The following EVC variants were observed in gnomAD, a reference collection of about 807,000 sequenced individuals.
EVC encodes evC complex member EVC.
A neutral mutation model predicts 118.9 loss-of-function variants in EVC; 116 were observed. That is an observed-to-expected ratio of 0.98 (90% CI 0.84 to 1.14). The LOEUF is 1.14. Among genes scored for constraint, EVC ranks in the 50% most tolerant of loss-of-function variants. The pLI, the probability that EVC is intolerant of heterozygous loss-of-function variation, is 0.00. For synonymous variants in EVC, 619 were observed against 534.7 expected (o/e 1.16, Z -2.18); for missense variants, 1,401 against 1,246.4 (o/e 1.12, Z -1.87).
chr4:5,720,285 A>T (rs1472830883), intron 2 of EVC, among the ~76,000 whole-genome samples: 1 of 152,060 alleles, frequency 6.6e-6, no homozygotes, highest in Non-Finnish European at 1.5e-5. Context: ...CACGTGAATG[A>T]TCTCGTGCCC....
chr4:5,790,452 C>T (rs1371005871), intron 12 of EVC, among the ~76,000 whole-genome samples: 2 of 152,152 alleles, frequency 1.3e-5, no homozygotes, highest in South Asian at 2.1e-4. Flanking sequence ...GCGCCATCTC[C>T]AGGATGCCAG....
chr4:5,821,700 G>A, the EVC span: 1 of 1,487,522 alleles, frequency 6.7e-7, no homozygotes, highest in South Asian at 1.2e-5. The surrounding 1 kb of genome is among the most constrained non-coding windows in gnomAD (Gnocchi z 4.4). Context: ...AACACTGACA[G>A]GAAAAGGGAT....
At chr4:5,716,740 A>G (rs2151821690) in intron 1 of EVC, among the ~76,000 whole-genome samples, 1 of 152,322 alleles carries the variant, frequency 6.6e-6, no homozygotes. Flanking sequence ...ATTTCCCTTG[A>G]AGAAAGTCAG....
chr4:5,794,307 T>A (rs28665524), intron 13 of EVC, among the ~76,000 whole-genome samples: 65 of 119,202 alleles, frequency 5.5e-4, no homozygotes, highest in Admixed American at 1.8e-3. Flanking sequence ...ATTTATATTT[T>A]TATATATTTA....
chr4:5,768,229 G>T (rs1181803897), intron 11 of EVC, among the ~76,000 whole-genome samples: 2 of 152,136 alleles, frequency 1.3e-5, no homozygotes, highest in Non-Finnish European at 2.9e-5. Flanking sequence ...TTACTTCTGA[G>T]TGAGACAGGA....
intron 15 of EVC, among the ~76,000 whole-genome samples, chr4:5,800,519 C>G (rs1714777714): frequency 6.6e-6 from 1 of 151,966 alleles, no homozygotes; most frequent in African/African-American, 2.4e-5. Context: ...AAGGGGTGGC[C>G]AAGGATGGAG....
chr4:5,795,691 A>G (rs989412258), intron 13 of EVC, among the ~76,000 whole-genome samples: 7 of 152,220 alleles, frequency 4.6e-5, no homozygotes, highest in African/African-American at 1.7e-4. Flanking sequence ...TGGAAACATA[A>G]GTAGGCTCGG....
chr4:5,774,710 A>C (rs1482544153), intron 11 of EVC, among the ~76,000 whole-genome samples: 2 of 152,038 alleles, frequency 1.3e-5, no homozygotes, highest in Non-Finnish European at 2.9e-5. Flanking sequence ...CTTCTGTTTG[A>C]GGGGGAGGGG....
At chr4:5,765,601 T>C (rs1194993134) in intron 11 of EVC, among the ~76,000 whole-genome samples, 2 of 130,580 alleles carry the variant, frequency 1.5e-5, no homozygotes, top group African/African-American at 6.0e-5. Context: ...ATTGGGCGCA[T>C]ATATATTTAG....
At chr4:5,720,820 G>A (rs1481662135) in intron 2 of EVC, among the ~76,000 whole-genome samples, 5 of 152,194 alleles carry the variant, frequency 3.3e-5, no homozygotes, top group African/African-American at 1.2e-4. Context: ...CTTGATAATG[G>A]GCATCTGCTA....
In EVC at chr4:5,783,591, G is replaced by A. The variant is rs753720935; in HGVS notation, c.1603G>A (p.Val535Met). Reference protein sequence around the residue: ...FSTVDTFQKFVDALFLQTLPG... With the variant: ...FSTVDTFQKFMDALFLQTLPG... ...CACCGTGGACACTTTCCAGAAGTTCGTGGATGCCCTGTTCCTTCAGACGCT... is the reference window on the plus strand; with the variant it reads ...CACCGTGGACACTTTCCAGAAGTTCATGGATGCCCTGTTCCTTCAGACGCT... The change falls in exon 12 of 21, where the codon GTG becomes ATG. Residue 535 changes from valine to methionine, a missense_variant. Coordinates refer to ENST00000264956, the MANE Select transcript of EVC (RefSeq NM_153717.3). 39 of 1,614,042 alleles carry A rather than the reference G, an allele frequency of 2.4e-5. No individual in the cohort carries two copies. Among genetic ancestry groups the A allele is most frequent in the East Asian group, 1.8e-4 (8 of 44,890 alleles).
downstream of EVC, among the ~76,000 whole-genome samples, chr4:5,818,002 C>CTG (rs1461565955): frequency 6.6e-6 from 1 of 152,172 alleles, no homozygotes; most frequent in Non-Finnish European, 1.5e-5. Context: ...TGTGGTTTGG[C>CTG]TGTGTCCCCA....
chr4:5,714,970 A>G (rs996316091), intron 1 of EVC, among the ~76,000 whole-genome samples: 6 of 20,110 alleles, frequency 3.0e-4, no homozygotes, highest in African/African-American at 2.0e-3. Context: ...ATGCCTGGCT[A>G]ATTTTTTTTT....
the EVC span, chr4:5,828,250 C>T: frequency 9.1e-6 from 9 of 985,418 alleles, no homozygotes; most frequent in East Asian, 1.1e-4. Flanking sequence ...CCCACCCTCA[C>T]GGGTGCACAC....
the EVC span, among the ~76,000 whole-genome samples, chr4:5,822,491 GA>G: frequency 7.9e-6 from 1 of 126,926 alleles, no homozygotes; most frequent in African/African-American, 4.1e-5. Context: ...AGGTGGATCT[GA>G]AGGGGGGGGG....
In EVC at chr4:5,750,917, G is replaced by A. The variant is rs537812757; in HGVS notation, c.1099-1919G>A. Reference sequence around the variant, plus strand: ...CGTATCTCAGAACACAGAAGAGTTGGAATTCCCAGGGCGGCATCCCATCTT... The same window carrying A: ...CGTATCTCAGAACACAGAAGAGTTGAAATTCCCAGGGCGGCATCCCATCTT... On this transcript the variant is annotated intron_variant, in intron 8 of 20. Transcript: ENST00000264956. Among the ~76,000 whole-genome samples the A allele has an allele frequency of 5.3e-5, 8 of 152,270 alleles. No homozygotes were observed. The South Asian group carries it at 1.2e-3, about 24-fold the overall frequency.
At position 5,756,394 on chromosome 4, in the gene EVC, G is replaced by A. The variant is rs2152095284; in HGVS notation, c.1563+32G>A. 1 of 1,559,288 alleles carries A rather than the reference G, an allele frequency of 6.4e-7. No individual in the cohort carries two copies. Among genetic ancestry groups the A allele is most frequent in the Non-Finnish European group, 8.8e-7 (1 of 1,141,036 alleles). ...GGCCTCTGTGGGGACCAGCAGAGAAGCCCCAGGGTCTGTGTGTGTGCGAGA... is the reference window on the plus strand; with the variant it reads ...GGCCTCTGTGGGGACCAGCAGAGAAACCCCAGGGTCTGTGTGTGTGCGAGA... On this transcript the variant is annotated intron_variant, in intron 11 of 20. Coordinates refer to ENST00000264956, the MANE Select transcript of EVC (RefSeq NM_153717.3). The surrounding 1 kb of genome is among the most constrained non-coding windows in gnomAD (Gnocchi z 4.2).
the EVC span, chr4:5,825,603 T>C: frequency 6.2e-7 from 1 of 1,603,198 alleles, no homozygotes; most frequent in African/African-American, 1.3e-5. This position sits in a 1 kb window ranked among gnomAD's most constrained non-coding sequence, Gnocchi z 4.4. Context: ...GTGTAGCTGG[T>C]ACCTCGTACA....
At chr4:5,775,205 A>T (rs1286426666) in intron 11 of EVC, among the ~76,000 whole-genome samples, 30 of 152,182 alleles carry the variant, frequency 2.0e-4, no homozygotes, top group Admixed American at 1.9e-3. Flanking sequence ...GAGGCTAGAA[A>T]ATAATGTCCA....
Sources: gnomAD v4.1 joint callset for allele counts (sites outside exome capture counted in the v4.1 genomes callset) on GRCh38, gnomAD v4.1.1 for gene constraint, Gnocchi (gnomAD v3.1) non-coding constraint, MANE v1.5 for transcripts, NCBI Gene and HGNC (gene_info 2026-07-23, HGNC 2026-07-21) for gene names.